Variants in TMEFF2 observed in about 807,000 individuals in gnomAD.
TMEFF2 encodes tomoregulin-2.
In TMEFF2, 28 loss-of-function variants were observed where a neutral mutation model predicts 53.8. The ratio of observed to expected loss-of-function variants is 0.52; its 90% confidence interval spans 0.39 to 0.71. The LOEUF is 0.71. TMEFF2 is among the 30% of genes least tolerant of loss of function. The pLI is 0.00. For missense variants in TMEFF2, 353 were observed against 455.2 expected, an observed-to-expected ratio of 0.78 and a Z score of 2.04; for synonymous variants, 162 against 166.3, an observed-to-expected ratio of 0.97 and a Z score of 0.20.
intron 2 of TMEFF2, among the ~76,000 whole-genome samples, chr2:192,186,354 T>C (rs1691311575): frequency 6.6e-6 from 1 of 152,144 alleles, no homozygotes; most frequent in African/African-American, 2.4e-5. Context: ...AGATTTGAAT[T>C]TTCCAATGAG....
At chr2:192,130,851 G>C (rs1407154570) in intron 4 of TMEFF2, among the ~76,000 whole-genome samples, 1 of 151,846 alleles carries the variant, frequency 6.6e-6, no homozygotes, top group East Asian at 2.0e-4. Flanking sequence ...AGCAGAGAAG[G>C]GGTAGAGACA....
At chr2:192,104,149 T>C (rs1250025724) in intron 4 of TMEFF2, among the ~76,000 whole-genome samples, 5 of 152,018 alleles carry the variant, frequency 3.3e-5, no homozygotes, top group Admixed American at 3.3e-4. Flanking sequence ...TGGCTTAAGG[T>C]AAAAGGGGGT....
intron 4 of TMEFF2, among the ~76,000 whole-genome samples, chr2:192,130,019 A>G (rs892775323): frequency 6.6e-6 from 1 of 152,214 alleles, no homozygotes; most frequent in Non-Finnish European, 1.5e-5. Flanking sequence ...CAAAATGTCT[A>G]TAAGTGATTT....
intron 4 of TMEFF2, among the ~76,000 whole-genome samples, chr2:192,071,711 C>T (rs1403452123): frequency 6.6e-6 from 1 of 151,866 alleles, no homozygotes; most frequent in African/African-American, 2.4e-5. Flanking sequence ...GCTACTTATA[C>T]TACTACAATG....
chr2:191,973,894 G>T (rs1236695729), intron 7 of TMEFF2, among the ~76,000 whole-genome samples: 1 of 152,142 alleles, frequency 6.6e-6, no homozygotes, highest in Non-Finnish European at 1.5e-5. Flanking sequence ...CTGTCACCAT[G>T]TGAAGAAGGA....
rs1182523108 is a variant in TMEFF2, at chr2:191,950,258, G to GTATTGTGTAGTCCA, written c.*39_*52dup. On this transcript the variant is annotated 3_prime_UTR_variant, in exon 10 of 10. Coordinates refer to ENST00000272771, the MANE Select transcript of TMEFF2 (RefSeq NM_016192.4). ...GTCTTATTCTTTTGTCTATAATACT[G>GTATTGTGTAGTCCA]TATTGTGTAGTCCAAGCTCTCGGTA... is the stretch of plus-strand genomic sequence containing the variant. 2.0e-4 allele frequency: 322 copies of GTATTGTGTAGTCCA among 1,606,570 alleles called. No homozygotes were observed. The highest frequency in any genetic ancestry group is 2.6e-4 in the Non-Finnish European group (304 of 1,176,816).
In TMEFF2 at chr2:191,950,129, G is replaced by GTATAC; in HGVS notation, c.*177_*181dup. On this transcript the variant is annotated 3_prime_UTR_variant, in exon 10 of 10. Coordinates refer to ENST00000272771, the MANE Select transcript of TMEFF2 (RefSeq NM_016192.4). ...ATTACAGAAAAAACATCAAGACAAT[G>GTATAC]TATACTATTTCAAATATATCCATAC... The GTATAC allele has an allele frequency of 7.3e-7, 1 of 1,369,944 alleles. No homozygotes were observed. Among genetic ancestry groups the GTATAC allele is most frequent in the Non-Finnish European group, 9.4e-7 (1 of 1,062,096 alleles). The allele number at this position is 1,369,944 out of a possible 1,614,324, so 84.9% of individuals were successfully genotyped here.
At chr2:192,105,876 C>T (rs1689134140) in intron 4 of TMEFF2, among the ~76,000 whole-genome samples, 1 of 151,806 alleles carries the variant, frequency 6.6e-6, no homozygotes, top group South Asian at 2.1e-4. Flanking sequence ...CAACTTGTGT[C>T]AGAAATAGGG....
At chr2:192,001,017 T>G (rs1686345115) in intron 5 of TMEFF2, among the ~76,000 whole-genome samples, 1 of 152,202 alleles carries the variant, frequency 6.6e-6, no homozygotes, top group Non-Finnish European at 1.5e-5. Context: ...TCAAAGAGCT[T>G]CTGGTTCTTA....
chr2:192,078,930 T>A (rs16834154), intron 4 of TMEFF2, among the ~76,000 whole-genome samples: 18,366 of 152,182 alleles, frequency 0.12, 2,364 homozygotes, highest in African/African-American at 0.32. Flanking sequence ...GGGATATATA[T>A]GCATATTGTG....
chr2:191,986,727 G>A (rs920834473), intron 7 of TMEFF2, among the ~76,000 whole-genome samples: 11 of 151,608 alleles, frequency 7.3e-5, no homozygotes, highest in East Asian at 3.9e-4. Context: ...GCATGGTGGC[G>A]CATGCCTGTA....
At chr2:191,994,653 T>C (rs751941240) in intron 7 of TMEFF2, among the ~76,000 whole-genome samples, 17 of 151,878 alleles carry the variant, frequency 1.1e-4, no homozygotes, top group Non-Finnish European at 2.1e-4. Context: ...TTTAAAAACT[T>C]CCCAAAGGAC....
intron 4 of TMEFF2, among the ~76,000 whole-genome samples, chr2:192,080,957 C>T (rs1054638224): frequency 1.3e-5 from 2 of 151,842 alleles, no homozygotes; most frequent in Non-Finnish European, 2.9e-5. Flanking sequence ...TTTTATTTGT[C>T]GTTGCTGAAT....
At chr2:191,970,252 T>C (rs1692598641) in intron 7 of TMEFF2, among the ~76,000 whole-genome samples, 1 of 152,022 alleles carries the variant, frequency 6.6e-6, no homozygotes, top group African/African-American at 2.4e-5. Context: ...TTATATCTAG[T>C]GATTGGTAAA....
intron 4 of TMEFF2, 63 bp downstream of exon 4, chr2:192,179,605 A>G: frequency 6.8e-7 from 1 of 1,472,582 alleles, no homozygotes; most frequent in Non-Finnish European, 9.2e-7. Context: ...GAACATACAT[A>G]AGTAAATATA....
chr2:192,088,664 A>G (rs1463264850), intron 4 of TMEFF2, among the ~76,000 whole-genome samples: 1 of 152,132 alleles, frequency 6.6e-6, no homozygotes, highest in Non-Finnish European at 1.5e-5. Context: ...CAAGTACTCA[A>G]GTTTGTTCCC....
At chr2:192,177,652 C>T (rs1193738640) in intron 4 of TMEFF2, 1 of 150,318 alleles carries the variant, frequency 6.7e-6, no homozygotes. Flanking sequence ...CTCCAAGTTA[C>T]TATGAAGCAC....
Position 192,194,201 on chromosome 2 carries a change from C to G in TMEFF2, c.172+152G>C, listed in dbSNP as rs1691545140. 1 of 935,028 alleles carries G rather than the reference C, an allele frequency of 1.1e-6. No homozygotes were observed. The allele number at this position is 935,028 out of a possible 1,614,324, so 57.9% of individuals were successfully genotyped here. ...CACCCCCGGGCCTGCAACAGTTCCC[C>G]TTGTTTCTCTGGATAGAGGTGGGTG... is the stretch of plus-strand genomic sequence containing the variant. On this transcript the variant is annotated intron_variant, in intron 1 of 9. Transcript: ENST00000272771. The surrounding 1 kb of genome is among the most constrained non-coding windows in gnomAD (Gnocchi z 4.2).
At position 191,971,903 on chromosome 2, in the gene TMEFF2, T is replaced by C. The variant is rs537366772; in HGVS notation, c.746-15525A>G. Among the ~76,000 whole-genome samples the C allele has an allele frequency of 1.6e-4, 25 of 152,164 alleles. No individual in the cohort carries two copies. The South Asian group carries it at 4.2e-3, about 25-fold the overall frequency. On this transcript the variant is annotated intron_variant, in intron 7 of 9. Coordinates refer to ENST00000272771, the MANE Select transcript of TMEFF2 (RefSeq NM_016192.4). ...GTAGCGTGGGATACTAGAGAGGTGA[T>C]AAAAGTCATATTGAGGAAAGGAAGG...
Sources: gnomAD v4.1 joint callset for allele counts (sites outside exome capture counted in the v4.1 genomes callset) on GRCh38, gnomAD v4.1.1 for gene constraint, Gnocchi (gnomAD v3.1) non-coding constraint, MANE v1.5 for transcripts, NCBI Gene and HGNC (gene_info 2026-07-23, HGNC 2026-07-21) for gene names.